Variants in ZFPM2 observed in about 807,000 individuals in gnomAD.
ZFPM2 encodes zinc finger protein ZFPM2.
ZFPM2 carries 20 observed loss-of-function variants against 98.6 expected under a neutral mutation model. That is an observed-to-expected ratio of 0.20 (90% CI 0.14 to 0.29). ZFPM2 has a LOEUF of 0.29. Among genes scored for constraint, ZFPM2 ranks in the 10% least tolerant of loss-of-function variants. The pLI, the probability that ZFPM2 is intolerant of heterozygous loss-of-function variation, is 1.00. For synonymous variants in ZFPM2, 518 were observed against 502.7 expected, an observed-to-expected ratio of 1.03 and a Z score of -0.41; for missense variants, 1,310 against 1,388.6, an observed-to-expected ratio of 0.94 and a Z score of 0.90.
chr8:105,495,948 C>T (rs1382135844), intron 3 of ZFPM2, among the ~76,000 whole-genome samples: 1 of 152,110 alleles, frequency 6.6e-6, no homozygotes, highest in African/African-American at 2.4e-5. Context: ...ACAGAGAGTT[C>T]CCATACTTTA....
intron 4 of ZFPM2, among the ~76,000 whole-genome samples, chr8:105,572,687 G>A (rs1411950419): frequency 6.6e-6 from 1 of 151,786 alleles, no homozygotes; most frequent in Non-Finnish European, 1.5e-5. Context: ...GGCTGGTCTC[G>A]AAGAACTCCC....
chr8:105,411,107 C>G (rs1161152039), intron 1 of ZFPM2, among the ~76,000 whole-genome samples: 2 of 151,828 alleles, frequency 1.3e-5, no homozygotes, highest in Admixed American at 1.3e-4. Flanking sequence ...GCCCAGTATT[C>G]TCTCACTTTG....
At chr8:105,797,940 G>C (rs890754925) in intron 6 of ZFPM2, among the ~76,000 whole-genome samples, 10 of 152,124 alleles carry the variant, frequency 6.6e-5, no homozygotes, top group African/African-American at 2.4e-4. Flanking sequence ...TGCTTCCTAA[G>C]GGCAGCTGTT....
At chr8:105,694,622 T>C (rs1810973874) in intron 5 of ZFPM2, among the ~76,000 whole-genome samples, 1 of 152,150 alleles carries the variant, frequency 6.6e-6, no homozygotes, top group South Asian at 2.1e-4. Flanking sequence ...TCAATTCTTG[T>C]TTATTTGATG....
chr8:105,322,045 A>C (rs1364749924), intron 1 of ZFPM2, among the ~76,000 whole-genome samples: 7 of 152,048 alleles, frequency 4.6e-5, no homozygotes, highest in Non-Finnish European at 8.8e-5. Flanking sequence ...CCCTCCCCTC[A>C]GAAGCTTTCT....
At chr8:105,324,453 T>A (rs1812081581) in intron 1 of ZFPM2, among the ~76,000 whole-genome samples, 1 of 151,854 alleles carries the variant, frequency 6.6e-6, no homozygotes, top group Admixed American at 6.6e-5. Flanking sequence ...AAGAACTAAT[T>A]AGCTCTTTTT....
intron 5 of ZFPM2, among the ~76,000 whole-genome samples, chr8:105,639,673 A>G (rs946008110): frequency 6.6e-6 from 1 of 152,110 alleles, no homozygotes; most frequent in African/African-American, 2.4e-5. Context: ...GTTATGATCA[A>G]TATTATGTTG....
chr8:105,321,196 C>A (rs930276087), intron 1 of ZFPM2, among the ~76,000 whole-genome samples: 1 of 152,132 alleles, frequency 6.6e-6, no homozygotes. Flanking sequence ...AATCTATTGA[C>A]GTTTGTCTCC....
intron 5 of ZFPM2, among the ~76,000 whole-genome samples, chr8:105,670,964 A>G (rs962052761): frequency 1.1e-4 from 16 of 152,154 alleles, no homozygotes; most frequent in African/African-American, 3.6e-4. Context: ...TATACTATAT[A>G]TGGAAAGGCC....
chr8:105,744,931 A>G (rs530343398), intron 5 of ZFPM2, among the ~76,000 whole-genome samples: 4 of 152,244 alleles, frequency 2.6e-5, no homozygotes, highest in African/African-American at 9.6e-5. Context: ...TTCTGTGGCA[A>G]TTCTTGACAA....
intron 4 of ZFPM2, among the ~76,000 whole-genome samples, chr8:105,591,058 T>G (rs1306957777): frequency 6.6e-6 from 1 of 152,172 alleles, no homozygotes; most frequent in East Asian, 1.9e-4. Flanking sequence ...GCTTCAGTTT[T>G]CAGACTTAAC....
At chr8:105,786,322 A>T (rs1450021611) in intron 5 of ZFPM2, among the ~76,000 whole-genome samples, 1 of 152,176 alleles carries the variant, frequency 6.6e-6, no homozygotes, top group Non-Finnish European at 1.5e-5. Context: ...CTTTAGCATG[A>T]AGGAATGACA....
chr8:105,695,818 T>G (rs1022686465), intron 5 of ZFPM2, among the ~76,000 whole-genome samples: 18 of 152,196 alleles, frequency 1.2e-4, no homozygotes, highest in African/African-American at 4.3e-4. Context: ...CTTAGTTAAT[T>G]TTTCATTTTT....
intron 5 of ZFPM2, among the ~76,000 whole-genome samples, chr8:105,686,570 A>T (rs1810740996): frequency 6.6e-6 from 1 of 152,126 alleles, no homozygotes; most frequent in Non-Finnish European, 1.5e-5. Context: ...ATTTCTGAAC[A>T]TTTCTTGGCT....
chr8:105,498,042 A>C (rs867339759), intron 3 of ZFPM2, among the ~76,000 whole-genome samples: 91 of 151,488 alleles, frequency 6.0e-4, no homozygotes, highest in African/African-American at 1.9e-3. Flanking sequence ...AAAAAAAAAA[A>C]AAAACAAAAT....
Position 105,801,037 on chromosome 8 carries a change from G to A in ZFPM2, c.965-10G>A. On this transcript the variant is annotated splice_polypyrimidine_tract_variant and intron_variant, in intron 7 of 7. Coordinates refer to ENST00000407775, the MANE Select transcript of ZFPM2 (RefSeq NM_012082.4). ...GTTTCTCATTGTTCTTATTTTGTAT[G>A]TCTCTCTAGGAGTGAAAATGGAAGA... The A allele has an allele frequency of 6.3e-7, 1 of 1,596,270 alleles. No homozygotes were observed. Among genetic ancestry groups the A allele is most frequent in the East Asian group, 2.2e-5 (1 of 44,528 alleles).
intron 3 of ZFPM2, among the ~76,000 whole-genome samples, chr8:105,513,499 G>T (rs1435333079): frequency 6.6e-6 from 1 of 152,158 alleles, no homozygotes; most frequent in Non-Finnish European, 1.5e-5. Context: ...TATCCTAGAT[G>T]TAGAAATGTA....
At chr8:105,626,655 A>C (rs998426718) in intron 4 of ZFPM2, among the ~76,000 whole-genome samples, 2 of 152,056 alleles carry the variant, frequency 1.3e-5, no homozygotes, top group African/African-American at 4.8e-5. Context: ...TATAAATGTA[A>C]TGTCTATAGT....
intron 3 of ZFPM2, among the ~76,000 whole-genome samples, chr8:105,457,478 A>G (rs764749365): frequency 3.3e-5 from 5 of 152,230 alleles, no homozygotes; most frequent in Non-Finnish European, 7.3e-5. Context: ...CTCACAGTAC[A>G]GAGGAGAAGA....
Sources: allele counts gnomAD v4.1 joint callset (sites outside exome capture counted in the v4.1 genomes callset), GRCh38; gene constraint gnomAD v4.1.1; transcripts MANE v1.5; gene names NCBI Gene and HGNC (gene_info 2026-07-23, HGNC 2026-07-21).